The following COL4A6 variants were observed in gnomAD, a reference collection of about 807,000 sequenced individuals.
The protein encoded by COL4A6 is collagen type IV alpha 6 chain.
A neutral mutation model predicts 126.7 loss-of-function variants in COL4A6; 59 were observed. The ratio of observed to expected loss-of-function variants is 0.47; its 90% CI spans 0.38 to 0.58. The LOEUF (loss-of-function observed/expected upper bound fraction) is 0.58. COL4A6 is among the 20% of genes least tolerant of loss of function. COL4A6 has a pLI of 0.00. For missense variants in COL4A6, 1,285 were observed against 1,337.3 expected, an observed-to-expected ratio of 0.96 and a Z score of 0.61; for synonymous variants, 547 against 496.6, an observed-to-expected ratio of 1.10 and a Z score of -1.35.
chrX:108,424,808 G>A (rs1271093826), intron 2 of COL4A6, among the ~76,000 whole-genome samples: 2 of 111,268 alleles, frequency 1.8e-5, no homozygotes, highest in Admixed American at 9.6e-5. Flanking sequence ...CTTCTGCCCA[G>A]AGTTTGAGAC....
chrX:108,380,163 T>C (rs2040532667), intron 2 of COL4A6, among the ~76,000 whole-genome samples: 1 of 112,379 alleles, frequency 8.9e-6, no homozygotes, highest in Non-Finnish European at 1.9e-5. Flanking sequence ...CACAAGCTAA[T>C]GGAGATAGTA....
chrX:108,297,000 T>C (rs2147864820), intron 3 of COL4A6, among the ~76,000 whole-genome samples: 1 of 112,366 alleles, frequency 8.9e-6, no homozygotes, highest in South Asian at 3.7e-4. Context: ...ATTAACAATG[T>C]GTTTGTCACT....
At chrX:108,375,995 T>C (rs2040426455) in intron 2 of COL4A6, among the ~76,000 whole-genome samples, 1 of 111,933 alleles carries the variant, frequency 8.9e-6, no homozygotes, top group Admixed American at 9.5e-5. Context: ...AACTAATAAT[T>C]AACTACTCTC....
intron 2 of COL4A6, among the ~76,000 whole-genome samples, chrX:108,346,989 G>A (rs756289865): frequency 1.2e-4 from 13 of 112,186 alleles, no homozygotes; most frequent in South Asian, 3.7e-4. Context: ...CTAGAGTGTC[G>A]TTTATTGTCA....
chrX:108,267,550 C>T (rs1412834550), intron 3 of COL4A6: 1 of 112,631 alleles, frequency 8.9e-6, no homozygotes. Flanking sequence ...TAGAAGCTTT[C>T]TTGAATAGCC....
intron 2 of COL4A6, among the ~76,000 whole-genome samples, chrX:108,391,960 T>A (rs1453233736): frequency 3.6e-5 from 4 of 112,127 alleles, no homozygotes; most frequent in Non-Finnish European, 7.5e-5. Context: ...TGTTCGGCCA[T>A]CTTGCCAGCT....
intron 2 of COL4A6, among the ~76,000 whole-genome samples, chrX:108,374,704 T>C (rs951016316): frequency 8.9e-6 from 1 of 112,092 alleles, no homozygotes; most frequent in Non-Finnish European, 1.9e-5. Flanking sequence ...AATCTACCAA[T>C]ATAACTCATA....
chrX:108,353,737 C>T (rs1293277650), intron 2 of COL4A6, among the ~76,000 whole-genome samples: 1 of 111,737 alleles, frequency 8.9e-6, no homozygotes, highest in Non-Finnish European at 1.9e-5. Flanking sequence ...CTGAGATTAG[C>T]GTATATTATG....
At chrX:108,429,103 A>G (rs2064136814) in intron 2 of COL4A6, among the ~76,000 whole-genome samples, 1 of 112,200 alleles carries the variant, frequency 8.9e-6, no homozygotes, top group South Asian at 3.7e-4. Flanking sequence ...TTACTCAGCA[A>G]TAAAAGGAAT....
rs2034665505 is a variant in COL4A6, at chrX:108,180,896, C to T, written c.2023+1G>A. The T allele has an allele frequency of 8.3e-7, 1 of 1,206,588 alleles. No individual in the cohort carries two copies. Among genetic ancestry groups the T allele is most frequent in the African/African-American group, 1.7e-5 (1 of 57,152 alleles). ...TGGCTTTCTCTGGCCTCATTCCATA[C>T]CTGGGAATCCGGGAGTGCCTGGAAA... On this transcript the variant is annotated splice_donor_variant, in intron 24 of 44. Transcript: ENST00000334504. LOFTEE classifies it high-confidence loss of function.
chrX:108,268,383 C>CT (rs1435121613), intron 3 of COL4A6: 1 of 112,492 alleles, frequency 8.9e-6, no homozygotes, highest in African/African-American at 3.2e-5. Flanking sequence ...TTTATAAACA[C>CT]TGTTTTATTA....
At chrX:108,333,168 T>C (rs756508434) in intron 2 of COL4A6, among the ~76,000 whole-genome samples, 1 of 111,349 alleles carries the variant, frequency 9.0e-6, no homozygotes, top group Non-Finnish European at 1.9e-5. Flanking sequence ...GGGTTCTCTA[T>C]TCTATTCCAC....
intron 37 of COL4A6, among the ~76,000 whole-genome samples, chrX:108,167,080 C>T (rs768126407): frequency 9.0e-6 from 1 of 111,445 alleles, no homozygotes; most frequent in East Asian, 2.8e-4. Flanking sequence ...TGTTATTAAA[C>T]CTGAAATAAA....
chrX:108,254,234 C>T (rs1242822028), intron 3 of COL4A6, among the ~76,000 whole-genome samples: 1 of 110,263 alleles, frequency 9.1e-6, no homozygotes, highest in Admixed American at 9.6e-5. Flanking sequence ...GGCTTATATC[C>T]CTGATCTTTT....
At chrX:108,418,602 GCTTTGA>G (rs1219298188) in intron 2 of COL4A6, among the ~76,000 whole-genome samples, 1 of 112,154 alleles carries the variant, frequency 8.9e-6, no homozygotes, top group African/African-American at 3.2e-5. Flanking sequence ...AGTAAAACTG[GCTTTGA>G]CTTTGCACTA....
chrX:108,172,655 T>G lies in COL4A6; in HGVS notation c.3139-123A>C, dbSNP rs760051556. On this transcript the variant is annotated intron_variant, in intron 31 of 44. Coordinates refer to ENST00000334504, the MANE Select transcript of COL4A6 (RefSeq NM_033641.4). ...TCCATCATGTATTCTGTGGCAAGGGTGGACTGTGGGCTGGAAGTGGGGATG... is the reference window on the plus strand; with the variant it reads ...TCCATCATGTATTCTGTGGCAAGGGGGGACTGTGGGCTGGAAGTGGGGATG... The G allele has an allele frequency of 7.9e-6, 4 of 505,817 alleles. No individual in the cohort carries two copies. The African/African-American group carries it at 9.6e-5, about 12-fold the overall frequency. The allele number at this position is 505,817 out of a possible 1,213,427, so 41.7% of individuals were successfully genotyped here. A position where few individuals can be genotyped will look rare whatever the true frequency, so the allele number is the denominator to read the frequency against.
chrX:108,434,134 A>T (rs1366184555), intron 2 of COL4A6, among the ~76,000 whole-genome samples: 3 of 111,959 alleles, frequency 2.7e-5, no homozygotes, highest in Non-Finnish European at 5.6e-5. Context: ...AAAAATTAAA[A>T]GATTGTTGGC....
chrX:108,193,125 C>A (rs762966968), intron 17 of COL4A6, among the ~76,000 whole-genome samples: 3 of 111,781 alleles, frequency 2.7e-5, no homozygotes, highest in African/African-American at 9.8e-5. Flanking sequence ...AAGAGTTGGG[C>A]ACACAAAATA....
chrX:108,185,425 T>G (rs1048139788), intron 23 of COL4A6, among the ~76,000 whole-genome samples: 6 of 107,767 alleles, frequency 5.6e-5, no homozygotes, highest in African/African-American at 2.0e-4. Context: ...CCTTACAACC[T>G]TCACAATAAT....
Sources: allele counts gnomAD v4.1 joint callset (sites outside exome capture counted in the v4.1 genomes callset), GRCh38; gene constraint gnomAD v4.1.1; transcripts MANE v1.5; gene names NCBI Gene and HGNC (gene_info 2026-07-23, HGNC 2026-07-21).